SIK3: variants seen among roughly 807,000 people sequenced by gnomAD.
SIK3 encodes SIK family kinase 3.
A neutral mutation model predicts 144.2 loss-of-function variants in SIK3; 28 were observed. The observed-to-expected ratio is 0.19, with a 90% CI of 0.14 to 0.27. SIK3 has a LOEUF of 0.27. Among genes scored for constraint, SIK3 ranks in the 10% least tolerant of loss-of-function variants. The probability of loss-of-function intolerance (pLI) is 1.00; values close to 1 mark genes in which losing one functional copy is unlikely to be tolerated. For synonymous variants in SIK3, 686 were observed against 676.3 expected, an observed-to-expected ratio of 1.01 and a Z score of -0.22; for missense variants, 1,319 against 1,776.0, an observed-to-expected ratio of 0.74 and a Z score of 4.62.
intron 3 of SIK3, 139 bp downstream of exon 3, chr11:116,953,905 C>G (rs531032436): frequency 1.5e-5 from 9 of 603,958 alleles, no homozygotes; most frequent in African/African-American, 5.7e-5. Flanking sequence ...AATTAAAATG[C>G]CTTTGTTGAT....
At chr11:116,998,052 C>T (rs1187678573) in intron 1 of SIK3, among the ~76,000 whole-genome samples, 4 of 151,764 alleles carry the variant, frequency 2.6e-5, no homozygotes, top group Non-Finnish European at 4.4e-5. Context: ...CAGGGTCTTG[C>T]TATGTTACCC....
chr11:116,915,114 G>A (rs1310813171), intron 4 of SIK3, among the ~76,000 whole-genome samples: 1 of 142,230 alleles, frequency 7.0e-6, no homozygotes, highest in East Asian at 2.1e-4. Context: ...TGTTTAGTAG[G>A]AAGCCATATA....
chr11:116,861,181 C>T, intron 19 of SIK3, 93 bp downstream of exon 19: 1 of 992,762 alleles, frequency 1.0e-6, no homozygotes, highest in Non-Finnish European at 1.5e-6. Context: ...TGTTATTCTG[C>T]CTTTCAAATG....
intron 1 of SIK3, among the ~76,000 whole-genome samples, chr11:117,047,672 G>T (rs1344774828): frequency 2.0e-5 from 3 of 152,124 alleles, no homozygotes; most frequent in African/African-American, 7.2e-5. Flanking sequence ...GGCCAGATGT[G>T]GTGGCTCATG....
intron 4 of SIK3, among the ~76,000 whole-genome samples, chr11:116,912,009 G>GGA (rs1399292229): frequency 6.6e-6 from 1 of 152,198 alleles, no homozygotes; most frequent in Non-Finnish European, 1.5e-5. Flanking sequence ...GTGGAGCGAA[G>GGA]TTGGTCTCTT....
chr11:116,927,428 A>T (rs1055802104), intron 3 of SIK3, 48 bp from the exon 4 acceptor site: 1 of 1,585,312 alleles, frequency 6.3e-7, no homozygotes, highest in Non-Finnish European at 8.6e-7. Context: ...ACACTTGTGT[A>T]ATTTCAAAAG....
chr11:117,058,498 C>A (rs1325662063), intron 1 of SIK3, among the ~76,000 whole-genome samples: 3 of 138,160 alleles, frequency 2.2e-5, no homozygotes, highest in South Asian at 2.3e-4. Flanking sequence ...CCAGCCCGGG[C>A]AACAGAGCGA....
intron 3 of SIK3, among the ~76,000 whole-genome samples, chr11:116,929,846 T>A (rs1458394767): frequency 1.3e-5 from 2 of 152,234 alleles, no homozygotes; most frequent in Non-Finnish European, 2.9e-5. Context: ...ATCTAGTCAA[T>A]AGAGCACAAA....
At chr11:116,940,235 T>TG (rs1376707599) in intron 3 of SIK3, among the ~76,000 whole-genome samples, 3 of 150,984 alleles carry the variant, frequency 2.0e-5, no homozygotes, top group African/African-American at 7.3e-5. Context: ...TTTTTTGTTT[T>TG]TTTTTTTTTT....
intron 3 of SIK3, among the ~76,000 whole-genome samples, chr11:116,947,569 A>ATGTATGTATGTATGTATTTT (rs374241141): frequency 1.6e-4 from 18 of 109,446 alleles, no homozygotes; most frequent in South Asian, 3.3e-4. Flanking sequence ...GTATGTATGT[A>ATGTATGTATGTATGTATTTT]TTTTTTTTTT....
chr11:117,014,401 A>G (rs1035293964), intron 1 of SIK3, among the ~76,000 whole-genome samples: 1 of 152,190 alleles, frequency 6.6e-6, no homozygotes, highest in Non-Finnish European at 1.5e-5. Flanking sequence ...AGAAGATAAT[A>G]TTAGAGATTA....
At chr11:116,954,243 G>A in intron 2 of SIK3, 136 bp from the exon 3 acceptor site, 1 of 659,388 alleles carries the variant, frequency 1.5e-6, no homozygotes, top group East Asian at 2.8e-5. Context: ...AAACATTTTT[G>A]GGGAAACAAA....
intron 1 of SIK3, among the ~76,000 whole-genome samples, chr11:116,965,934 C>CAA (rs953982532): frequency 8.1e-6 from 1 of 124,164 alleles, no homozygotes; most frequent in African/African-American, 3.0e-5. Flanking sequence ...GACTCCGTCT[C>CAA]AAAAAAAAAA....
chr11:116,875,941 T>A lies in SIK3; in HGVS notation c.1164A>T (p.Arg388Ser). 6.2e-7 allele frequency: 1 copy of A among 1,613,250 alleles called. No individual in the cohort carries two copies. Among genetic ancestry groups the A allele is most frequent in the Non-Finnish European group, 8.5e-7 (1 of 1,179,812 alleles). ...GTGCTCCGAGACGCAGGGTTTTATG[T>A]CTCTTATGTCGATCACACAGCAGGC... ...IYSLLCDRHK[R>S]HKTLRLGALP... The change falls in exon 9 of 25, where the codon AGA becomes AGT. Residue 388 changes from arginine (R) to serine (S), a missense_variant. Arg to Ser is a moderately radical substitution (Grantham distance 110). This residue lies in a region of SIK3 where 109 missense variants were observed against 109.3 expected (regional missense o/e 1.00). Coordinates refer to ENST00000445177, the MANE Select transcript of SIK3 (RefSeq NM_001366686.3).
At chr11:116,875,069 G>T in intron 11 of SIK3, 89 bp downstream of exon 11, 1 of 969,560 alleles carries the variant, frequency 1.0e-6, no homozygotes, top group Non-Finnish European at 1.6e-6. Flanking sequence ...GGGATACAAT[G>T]TAGTAGGAAA....
chr11:116,849,561 G>A lies in SIK3; in HGVS notation c.3656-278C>T, dbSNP rs1463983777. 6.6e-6 allele frequency among the ~76,000 whole-genome samples: 1 copy of A among 152,116 alleles called. No homozygotes were observed. Among genetic ancestry groups the A allele is most frequent in the African/African-American group, 2.4e-5 (1 of 41,416 alleles). On this transcript the variant is annotated intron_variant, in intron 21 of 24. Transcript: ENST00000445177. This position sits in a 1 kb window ranked among gnomAD's most constrained non-coding sequence, Gnocchi z 4.2. ...CCTTCTCTTCTTTCATTTCTCTGTTGAATTAACAGTGATCTATTCCCAAAC... is the reference window on the plus strand; with the variant it reads ...CCTTCTCTTCTTTCATTTCTCTGTTAAATTAACAGTGATCTATTCCCAAAC...
intron 1 of SIK3, among the ~76,000 whole-genome samples, chr11:116,960,305 G>A (rs1949293893): frequency 6.6e-6 from 1 of 151,994 alleles, no homozygotes; most frequent in South Asian, 2.1e-4. Context: ...GCAGGCGGAT[G>A]GCTTGAGGCG....
chr11:117,091,086 A>T (rs61903421), intron 1 of SIK3, among the ~76,000 whole-genome samples: 24,973 of 152,016 alleles, frequency 0.16, 2,187 homozygotes, highest in Admixed American at 0.21. Context: ...TCCCCCACTA[A>T]CTACCTATAA....
In SIK3 at chr11:116,996,819, C is replaced by CAAAAAAA. The variant is rs11329513; in HGVS notation, c.274-39762_274-39756dup. ...TGGGCGCCAGAGGGAGACTCTCTCT[C>CAAAAAAA]AAAAAAAAAAAAAAAAAAAAAAAAA... is the stretch of plus-strand genomic sequence containing the variant. On this transcript the variant is annotated intron_variant, in intron 1 of 24. Coordinates refer to ENST00000445177, the MANE Select transcript of SIK3 (RefSeq NM_001366686.3). Among the ~76,000 whole-genome samples, 88 of 58,396 alleles carry CAAAAAAA rather than the reference C, an allele frequency of 1.5e-3. 1 individual carries two copies. Among genetic ancestry groups the CAAAAAAA allele is most frequent in the East Asian group, 5.1e-3 (8 of 1,572 alleles). The allele number at this position is 58,396 out of a possible 152,430, so 38.3% of individuals were successfully genotyped here.
Sources: allele counts gnomAD v4.1 joint callset (sites outside exome capture counted in the v4.1 genomes callset), GRCh38; gene constraint gnomAD v4.1.1; regional missense constraint gnomAD v4.1.1; non-coding constraint Gnocchi (gnomAD v3.1); transcripts MANE v1.5; gene names NCBI Gene and HGNC (gene_info 2026-07-23, HGNC 2026-07-21).